Variants in MIR2052HG observed in about 807,000 individuals in gnomAD.
The protein encoded by MIR2052HG is MIR2052 host gene.
intron 4 of MIR2052HG, among the ~76,000 whole-genome samples, chr8:74,710,380 A>G (rs1196512329): frequency 3.3e-5 from 5 of 152,132 alleles, no homozygotes; most frequent in Non-Finnish European, 7.3e-5. Context: ...TTCATTTTCA[A>G]CTAATTTCCC....
intron 2 of MIR2052HG, among the ~76,000 whole-genome samples, chr8:74,669,387 C>T (rs538232486): frequency 2.6e-5 from 4 of 152,286 alleles, no homozygotes; most frequent in Non-Finnish European, 4.4e-5. Context: ...AGCTTCAATC[C>T]GTTCTCACCT....
At chr8:74,640,282 A>G (rs191653310) in intron 2 of MIR2052HG, among the ~76,000 whole-genome samples, 27 of 151,968 alleles carry the variant, frequency 1.8e-4, no homozygotes, top group Admixed American at 1.3e-4. Context: ...CCTGGCCAAT[A>G]TGGTGAAACC....
intron 2 of MIR2052HG, among the ~76,000 whole-genome samples, chr8:74,679,263 A>T (rs2128738874): frequency 6.6e-6 from 1 of 152,062 alleles, no homozygotes; most frequent in Admixed American, 6.6e-5. Context: ...TTTCCCCTTG[A>T]GTCCCTGAAG....
intron 1 of MIR2052HG, among the ~76,000 whole-genome samples, chr8:74,608,837 T>G (rs1276108916): frequency 6.6e-6 from 1 of 151,988 alleles, no homozygotes; most frequent in African/African-American, 2.4e-5. Flanking sequence ...CTACCTGTAT[T>G]AGAAAAGAAG....
intron 4 of MIR2052HG, among the ~76,000 whole-genome samples, chr8:74,734,304 A>G (rs1809725036): frequency 6.6e-6 from 1 of 152,240 alleles, no homozygotes; most frequent in Non-Finnish European, 1.5e-5. Flanking sequence ...TTAAGGTATC[A>G]GTCTGCTAAA....
chr8:74,754,218 T>A (rs896126835), intron 5 of MIR2052HG, among the ~76,000 whole-genome samples: 1 of 152,232 alleles, frequency 6.6e-6, no homozygotes, highest in African/African-American at 2.4e-5. Flanking sequence ...ATAGGAAGCA[T>A]GATAAGTATA....
chr8:74,688,825 C>T (rs770082563), intron 2 of MIR2052HG, among the ~76,000 whole-genome samples: 1 of 152,112 alleles, frequency 6.6e-6, no homozygotes, highest in Non-Finnish European at 1.5e-5. Context: ...CACCCTTTCC[C>T]CACAAGTCCC....
intron 2 of MIR2052HG, among the ~76,000 whole-genome samples, chr8:74,646,637 A>G (rs1342778300): frequency 4.6e-5 from 7 of 152,332 alleles, no homozygotes; most frequent in African/African-American, 7.2e-5. Flanking sequence ...AAAAATTACT[A>G]TGAGCCCCAG....
intron 2 of MIR2052HG, among the ~76,000 whole-genome samples, chr8:74,670,937 T>C (rs74915344): frequency 0.031 from 4,728 of 152,208 alleles, 162 homozygotes; most frequent in African/African-American, 0.083. Context: ...TCTCATTTTT[T>C]TCTCTCATTT....
chr8:74,655,903 G>A (rs978661506), intron 2 of MIR2052HG, among the ~76,000 whole-genome samples: 2 of 152,162 alleles, frequency 1.3e-5, no homozygotes, highest in African/African-American at 4.8e-5. Context: ...CCTATACCCT[G>A]CAAAGCAACA....
chr8:74,603,843 T>C (rs535292476), intron 1 of MIR2052HG: 3 of 871,252 alleles, frequency 3.4e-6, no homozygotes, highest in East Asian at 4.8e-5. Flanking sequence ...GCATATCCCC[T>C]GCCATCTAGA....
At chr8:74,645,229 A>T (rs1326294685) in intron 2 of MIR2052HG, among the ~76,000 whole-genome samples, 2 of 152,198 alleles carry the variant, frequency 1.3e-5, no homozygotes, top group Non-Finnish European at 2.9e-5. Context: ...GGTAAATAAA[A>T]AAGTGAATTC....
chr8:74,702,890 C>T (rs370121086), intron 3 of MIR2052HG, among the ~76,000 whole-genome samples: 29 of 152,146 alleles, frequency 1.9e-4, no homozygotes, highest in African/African-American at 6.7e-4. Context: ...GATCGACTCA[C>T]CTATCCTAAC....
intron 2 of MIR2052HG, among the ~76,000 whole-genome samples, chr8:74,654,097 A>G (rs1267729701): frequency 1.3e-5 from 2 of 152,186 alleles, no homozygotes; most frequent in African/African-American, 4.8e-5. Context: ...ATGGGTGGAG[A>G]GAGCATTTCT....
At position 74,661,200 on chromosome 8, in the gene MIR2052HG, CT is replaced by C. The variant is rs552416471; in HGVS notation, n.217-41161del. ...CTTGGACTGGATGCCAGCTTAGGTCCTTTTTTTTTTTTTTTTTTCGAGACAG... is the reference window on the plus strand; with the variant it reads ...CTTGGACTGGATGCCAGCTTAGGTCCTTTTTTTTTTTTTTTTTCGAGACAG... On this transcript the variant is annotated intron_variant and non_coding_transcript_variant, in intron 2 of 6. Transcript: ENST00000523442. Among the ~76,000 whole-genome samples, 293 of 127,426 alleles carry C rather than the reference CT, an allele frequency of 2.3e-3. 2 individuals are homozygous for C. The highest frequency in any genetic ancestry group is 3.5e-3 in the African/African-American group (123 of 35,508). The allele number at this position is 127,426 out of a possible 152,430, so 83.6% of individuals were successfully genotyped here.
chr8:74,693,595 G>A (rs1809261972), intron 2 of MIR2052HG, among the ~76,000 whole-genome samples: 2 of 131,838 alleles, frequency 1.5e-5, no homozygotes, highest in Non-Finnish European at 3.1e-5. Context: ...AATAAAATCA[G>A]TGCTATTGCG....
At chr8:74,664,149 A>AT (rs1442016465) in intron 2 of MIR2052HG, among the ~76,000 whole-genome samples, 2 of 142,232 alleles carry the variant, frequency 1.4e-5, no homozygotes, top group Admixed American at 7.0e-5. Context: ...GCGGTGTGTG[A>AT]TAAAAAAAAA....
intron 4 of MIR2052HG, among the ~76,000 whole-genome samples, chr8:74,749,082 A>G (rs980306949): frequency 6.6e-6 from 1 of 152,208 alleles, no homozygotes; most frequent in Admixed American, 6.5e-5. Flanking sequence ...AATTTTTATA[A>G]TAATCAATGT....
At chr8:74,694,429 C>T (rs1809274917) in intron 2 of MIR2052HG, among the ~76,000 whole-genome samples, 1 of 152,132 alleles carries the variant, frequency 6.6e-6, no homozygotes, top group Admixed American at 6.5e-5. Flanking sequence ...AAAAACAATT[C>T]TGGTAATACG....
Sources: allele counts gnomAD v4.1 joint callset (sites outside exome capture counted in the v4.1 genomes callset), GRCh38; gene constraint gnomAD v4.1.1; transcripts MANE v1.5; gene names NCBI Gene and HGNC (gene_info 2026-07-23, HGNC 2026-07-21).